RPH3AL: variants seen among roughly 807,000 people sequenced by gnomAD.
RPH3AL encodes rabphilin 3A like (without C2 domains).
A neutral mutation model predicts 43.1 loss-of-function variants in RPH3AL; 38 were observed. The observed-to-expected ratio is 0.88, with a 90% CI of 0.68 to 1.15. RPH3AL has a LOEUF of 1.15. Ranked by LOEUF, RPH3AL falls within the 50% of genes most tolerant of loss-of-function variation. The pLI is 0.00. For missense variants in RPH3AL, 462 were observed against 423.2 expected (o/e 1.09, Z -0.81); for synonymous variants, 189 against 176.3 (o/e 1.07, Z -0.57).
chr17:317,606 C>T (rs541976741), intron 5 of RPH3AL, among the ~76,000 whole-genome samples: 63 of 152,344 alleles, frequency 4.1e-4, no homozygotes, highest in African/African-American at 1.4e-3. Context: ...CCCGCACAGT[C>T]TTACACCCAG....
chr17:321,730 G>A (rs1157713191), intron 3 of RPH3AL: 3 of 327,162 alleles, frequency 9.2e-6, no homozygotes, highest in East Asian at 1.0e-4. Context: ...CCCAGGTGCC[G>A]TGTGCAGGGG....
Position 273,008 on chromosome 17 carries a change from A to C in RPH3AL, c.438+8760T>G, listed in dbSNP as rs1314513607. 4.6e-3 allele frequency among the ~76,000 whole-genome samples: 537 copies of C among 116,006 alleles called. 6 individuals carry two copies. The highest frequency in any genetic ancestry group is 0.013 in the African/African-American group (467 of 34,990). 76.1% of individuals were successfully genotyped at this position (116,006 alleles called of 152,430 possible). ...GCTACGTCAGGGTGAGACCCCAGCGAGGGCGACATCAGGAAGAGACCCCAG... is the reference window on the plus strand; with the variant it reads ...GCTACGTCAGGGTGAGACCCCAGCGCGGGCGACATCAGGAAGAGACCCCAG... On this transcript the variant is annotated intron_variant, in intron 6 of 9. Transcript: ENST00000331302.
intron 7 of RPH3AL, among the ~76,000 whole-genome samples, chr17:235,582 ACACTAACAAGACGGATCCC>A (rs2041358513): frequency 3.1e-5 from 2 of 64,412 alleles, no homozygotes; most frequent in East Asian, 4.2e-4. Context: ...TGGAGGCTCC[ACACTAACAAGACGGATCCC>A]GGGTTCAAAG....
chr17:267,352 G>A (rs529539400), intron 6 of RPH3AL, among the ~76,000 whole-genome samples: 55 of 152,344 alleles, frequency 3.6e-4, no homozygotes, highest in African/African-American at 1.1e-3. Flanking sequence ...GATTGGCTGC[G>A]AAGCCGCCTC....
rs1419162090 is a variant in RPH3AL, at chr17:333,014, A to C, written c.-37+745T>G. On this transcript the variant is annotated intron_variant, in intron 2 of 9. Transcript: ENST00000331302. This position sits in a 1 kb window ranked among gnomAD's most constrained non-coding sequence, Gnocchi z 4.5. ...GGACAGAGGCTCATCAGCCCCAGGC[A>C]ACTTCCTGAGACAGATCGGTAAAAA... is the stretch of plus-strand genomic sequence containing the variant. 1.6e-6 allele frequency: 2 copies of C among 1,287,126 alleles called. No individual in the cohort carries two copies. The highest frequency in any genetic ancestry group is 1.5e-5 in the African/African-American group (1 of 65,970). The allele number at this position is 1,287,126 out of a possible 1,614,324, so 79.7% of individuals were successfully genotyped here. A position where few individuals can be genotyped will look rare whatever the true frequency, so the allele number is the denominator to read the frequency against.
At chr17:293,283 C>G (rs555099211) in intron 5 of RPH3AL, among the ~76,000 whole-genome samples, 16 of 152,318 alleles carry the variant, frequency 1.1e-4, no homozygotes, top group African/African-American at 2.2e-4. Context: ...CACTGCGTCC[C>G]GAGTGGAGAG....
intron 8 of RPH3AL, among the ~76,000 whole-genome samples, chr17:217,251 CCTTT>C (rs1363687865): frequency 7.0e-5 from 9 of 129,236 alleles, no homozygotes; most frequent in East Asian, 4.7e-4. Context: ...ATTATGGAGC[CCTTT>C]CTTCTTCTGC....
At chr17:350,591 A>G (rs967247129) in intron 1 of RPH3AL, among the ~76,000 whole-genome samples, 1 of 152,216 alleles carries the variant, frequency 6.6e-6, no homozygotes, top group Admixed American at 6.5e-5. Flanking sequence ...AGCTGGTGAC[A>G]GAGCAAGACC....
At chr17:231,716 G>A in intron 7 of RPH3AL, among the ~76,000 whole-genome samples, 1 of 152,254 alleles carries the variant, frequency 6.6e-6, no homozygotes, top group East Asian at 1.9e-4. Context: ...GCCCTTGGGG[G>A]CTGGGCCCCA....
intron 5 of RPH3AL, among the ~76,000 whole-genome samples, chr17:309,990 G>C (rs530400187): frequency 2.7e-5 from 4 of 150,198 alleles, no homozygotes; most frequent in Non-Finnish European, 5.9e-5. Context: ...TCAGGTCATC[G>C]TTTCATAGGC....
At chr17:320,748 T>C (rs971008837) in intron 4 of RPH3AL, among the ~76,000 whole-genome samples, 6 of 152,256 alleles carry the variant, frequency 3.9e-5, no homozygotes, top group Non-Finnish European at 4.4e-5. Flanking sequence ...CTTTTCTGTG[T>C]TTTTCAGATT....
chr17:315,826 A>T (rs1409146993), intron 5 of RPH3AL, among the ~76,000 whole-genome samples: 2 of 147,572 alleles, frequency 1.4e-5, no homozygotes, highest in African/African-American at 5.1e-5. Context: ...ATTGACCTGT[A>T]GTCCCTGTGC....
At chr17:313,513 C>G (rs1021648532) in intron 5 of RPH3AL, among the ~76,000 whole-genome samples, 1 of 152,186 alleles carries the variant, frequency 6.6e-6, no homozygotes, top group Non-Finnish European at 1.5e-5. Flanking sequence ...GCCGGGAACA[C>G]TGTTCCACCC....
chr17:293,191 C>T lies in RPH3AL; in HGVS notation c.352-11337G>A, dbSNP rs537478850. Among the ~76,000 whole-genome samples, 208 of 152,342 alleles carry T rather than the reference C, an allele frequency of 1.4e-3. 1 individual carries two copies. Among genetic ancestry groups the T allele is most frequent in the African/African-American group, 4.7e-3 (194 of 41,592 alleles). On this transcript the variant is annotated intron_variant, in intron 5 of 9. Coordinates refer to ENST00000331302, the MANE Select transcript of RPH3AL (RefSeq NM_006987.4). ...GCCACCTCTCCCAGTTGAAAGCAAG[C>T]ACCATCATTTCCTGTGGCTTTCAAG...
intron 2 of RPH3AL, chr17:331,332 C>T (rs901762024): frequency 1.9e-4 from 8 of 42,052 alleles, no homozygotes; most frequent in Non-Finnish European, 3.6e-4. Flanking sequence ...GGAAGGATGT[C>T]GCCTCCAGAG....
At position 333,432 on chromosome 17, in the gene RPH3AL, G is replaced by A; in HGVS notation, c.-37+327C>T. Reference sequence around the variant, plus strand: ...TTATGTACAAATTGTAATAAAATTGGGTTCTTACTGCATACGCTGCTTGCT... The same window carrying A: ...TTATGTACAAATTGTAATAAAATTGAGTTCTTACTGCATACGCTGCTTGCT... On this transcript the variant is annotated intron_variant, in intron 2 of 9. Coordinates refer to ENST00000331302, the MANE Select transcript of RPH3AL (RefSeq NM_006987.4). The surrounding 1 kb of genome is among the most constrained non-coding windows in gnomAD (Gnocchi z 4.5). 1.7e-6 allele frequency: 1 copy of A among 581,380 alleles called. No individual in the cohort carries two copies. The highest frequency in any genetic ancestry group is 2.6e-6 in the Non-Finnish European group (1 of 379,212). 36.0% of individuals were successfully genotyped at this position (581,380 alleles called of 1,614,324 possible). A position where few individuals can be genotyped will look rare whatever the true frequency, so the allele number is the denominator to read the frequency against.
At chr17:291,869 G>A (rs1214962077) in intron 5 of RPH3AL, among the ~76,000 whole-genome samples, 1 of 152,174 alleles carries the variant, frequency 6.6e-6, no homozygotes, top group African/African-American at 2.4e-5. Flanking sequence ...CATCTATGGA[G>A]GAGTCTATAT....
At chr17:242,591 A>AC (rs1339521845) in intron 7 of RPH3AL, among the ~76,000 whole-genome samples, 7 of 124,954 alleles carry the variant, frequency 5.6e-5, no homozygotes, top group East Asian at 2.5e-4. Context: ...TCTATTGACT[A>AC]CCTTCCTCTA....
chr17:253,689 G>A (rs1310502725), intron 6 of RPH3AL, among the ~76,000 whole-genome samples: 2 of 136,788 alleles, frequency 1.5e-5, no homozygotes, highest in Non-Finnish European at 3.2e-5. Context: ...ACTACCCTAC[G>A]TACTTCCTAT....
Sources: gnomAD v4.1 joint callset for allele counts (sites outside exome capture counted in the v4.1 genomes callset) on GRCh38, gnomAD v4.1.1 for gene constraint, Gnocchi (gnomAD v3.1) non-coding constraint, MANE v1.5 for transcripts, NCBI Gene and HGNC (gene_info 2026-07-23, HGNC 2026-07-21) for gene names.